Variants in STAT6 observed in about 807,000 individuals in gnomAD.
The protein encoded by STAT6 is STAT, interleukin4-induced.
STAT6 carries 45 observed loss-of-function variants against 106.3 expected under a neutral mutation model. The ratio of observed to expected loss-of-function variants is 0.42; its 90% CI spans 0.33 to 0.54. The LOEUF is 0.54. Ranked by LOEUF, STAT6 falls within the 20% of genes least tolerant of loss-of-function variation. STAT6 has a pLI of 0.06. For synonymous variants in STAT6, 413 were observed against 413.6 expected (o/e 1.00, Z 0.02); for missense variants, 797 against 1,062.2 (o/e 0.75, Z 3.47).
rs2033678608 is a variant in STAT6, at chr12:57,099,515, T to A, written c.1745-75A>T. On this transcript the variant is annotated intron_variant, in intron 15 of 21. Coordinates refer to ENST00000300134, the MANE Select transcript of STAT6 (RefSeq NM_003153.5). The surrounding 1 kb of genome is among the most constrained non-coding windows in gnomAD (Gnocchi z 4.7). Reference sequence around the variant, plus strand: ...CTTCCCCAACCCCTACCATAAGACCTGTTCTCACTCCACCAAGGCAAGGGA... The same window carrying A: ...CTTCCCCAACCCCTACCATAAGACCAGTTCTCACTCCACCAAGGCAAGGGA... The A allele has an allele frequency of 6.3e-7, 1 of 1,592,184 alleles. No individual in the cohort carries two copies. The highest frequency in any genetic ancestry group is 1.7e-5 in the Admixed American group (1 of 59,092).
At position 57,105,541 on chromosome 12, in the gene STAT6, C is replaced by G. The variant is rs2034219051; in HGVS notation, c.739G>C (p.Gly247Arg). Residue 247 changes from glycine to arginine, a missense_variant, in exon 8 of 22, where the codon GGG becomes CGG. Transcript: ENST00000300134. The stretch of plus-strand genomic sequence containing the variant: ...GCCCGGGTCTTGGGCTCAAGCTCCC[C>G]ACCAGCCGCCCCTACCTCCTGCTGT... ...QLQQEVGAAG[G>R]ELEPKTRASL... 4 of 1,613,958 alleles carry G rather than the reference C, an allele frequency of 2.5e-6. No individual in the cohort carries two copies. The African/African-American group carries it at 5.3e-5, about 22-fold the overall frequency.
chr12:57,104,635 C>T (rs1267097675), intron 10 of STAT6, 49 bp from the exon 11 acceptor site: 1 of 1,612,598 alleles, frequency 6.2e-7, no homozygotes, highest in East Asian at 2.2e-5. Context: ...AGGACAGAGA[C>T]CGCTCCTCCT....
intron 1 of STAT6, among the ~76,000 whole-genome samples, chr12:57,108,841 T>C (rs958260585): frequency 1.3e-5 from 2 of 152,218 alleles, no homozygotes; most frequent in African/African-American, 4.8e-5. Context: ...CCCCACCTCC[T>C]GACGCCAAAG....
chr12:57,100,702 GAA>G lies in STAT6; in HGVS notation c.1513-614_1513-613del, dbSNP rs869076345. On this transcript the variant is annotated intron_variant, in intron 13 of 21. Coordinates refer to ENST00000300134, the MANE Select transcript of STAT6 (RefSeq NM_003153.5). Reference sequence around the variant, plus strand: ...AAAGAAAGAAAGAAAGAAAGAAAGAGAAAGAAAGAAAGAAAGAAAGAAAGAAA... The same window carrying G: ...AAAGAAAGAAAGAAAGAAAGAAAGAGAGAAAGAAAGAAAGAAAGAAAGAAA... 5.1e-3 allele frequency: 287 copies of G among 55,760 alleles called. 5 individuals are homozygous for G. The highest frequency in any genetic ancestry group is 0.014 in the South Asian group (43 of 3,184). The allele number at this position is 55,760 out of a possible 1,614,324, so 3.5% of individuals were successfully genotyped here.
chr12:57,107,415 C>A (rs2034342172), intron 3 of STAT6, 101 bp from the exon 4 acceptor site: 2 of 1,346,724 alleles, frequency 1.5e-6, no homozygotes, highest in Admixed American at 1.8e-5. Context: ...TATAAGGAAG[C>A]ACAACTGTAG....
intron 13 of STAT6, among the ~76,000 whole-genome samples, chr12:57,100,689 AAAG>A (rs2033821462): frequency 1.1e-4 from 5 of 44,710 alleles, no homozygotes; most frequent in African/African-American, 3.4e-4. Context: ...AGAAAGAAAG[AAAG>A]AAAGAAAGAG....
At chr12:57,097,013 G>A (rs376770722) in intron 20 of STAT6, 35 bp from the exon 21 acceptor site, 3 of 1,604,816 alleles carry the variant, frequency 1.9e-6, no homozygotes, top group African/African-American at 2.7e-5. Flanking sequence ...AAGGAGAGCG[G>A]GGCAAGGCCA....
chr12:57,106,665 C>G, intron 5 of STAT6, 28 bp downstream of exon 5: 2 of 1,614,010 alleles, frequency 1.2e-6, no homozygotes, highest in Non-Finnish European at 1.7e-6. Flanking sequence ...CACTCCTACA[C>G]ACTCCCCAGA....
Position 57,096,770 on chromosome 12 carries a change from A to T in STAT6, c.2355-9T>A. On this transcript the variant is annotated splice_polypyrimidine_tract_variant and intron_variant, in intron 21 of 21. Transcript: ENST00000300134. ...ATATGTCTTCACCAATCCTGCAAGG[A>T]GATGGGAGAAGCAGTGGAGTAGGCA... 1 of 1,613,362 alleles carries T rather than the reference A, an allele frequency of 6.2e-7. No individual in the cohort carries two copies. Among genetic ancestry groups the T allele is most frequent in the Non-Finnish European group, 8.5e-7 (1 of 1,179,690 alleles).
Position 57,104,802 on chromosome 12 carries a change from C to T in STAT6, c.1013G>A (p.Gly338Glu). 1 of 1,614,130 alleles carries T rather than the reference C, an allele frequency of 6.2e-7. No homozygotes were observed. The change falls in exon 10 of 22, where the codon GGA becomes GAA. Residue 338 changes from glycine (G) to glutamate (E), a missense_variant. Physicochemically the swap from Gly to Glu is moderately conservative, Grantham distance 98. This residue lies in a region of STAT6 where 336 missense variants were observed against 429.8 expected (regional missense o/e 0.78). Transcript: ENST00000300134. The part of the protein sequence containing the change: ...QGPGAGAEST[G>E]EIINNTVPLE... ...GGGCACAGTGTTGTTGATGATTTCT[C>T]CAGTGCTTTCTCTGCCAGGGGAGGT...
chr12:57,100,657 AAAGAAAGAAAGAAAG>A (rs1028765480), intron 13 of STAT6, among the ~76,000 whole-genome samples: 3 of 62,216 alleles, frequency 4.8e-5, no homozygotes, highest in African/African-American at 1.3e-4. Flanking sequence ...AGAAAGAAAG[AAAGAAAGAAAGAAAG>A]AAAGAAAGAA....
rs1014699432 is a variant in STAT6 at position 57,099,897 on chromosome 12, G to A, written c.1614C>T (p.Ile538=). 14 of 1,614,260 alleles carry A rather than the reference G, an allele frequency of 8.7e-6. No homozygotes were observed. Among genetic ancestry groups the A allele is most frequent in the Non-Finnish European group, 1.2e-5 (14 of 1,180,046 alleles). Residue 538 remains isoleucine (I), a synonymous_variant, in exon 15 of 22, where the codon ATC becomes ATT. Transcript: ENST00000300134. This position sits in a 1 kb window ranked among gnomAD's most constrained non-coding sequence, Gnocchi z 4.7. ...CGTACTGTTTGCTGATGAAGCCAAT[G>A]ATCAGCCTGGCCGGGATGAAGGAGA... is the stretch of plus-strand genomic sequence containing the variant. ...CLRSYWSDRL[I]IGFISKQYVT...
chr12:57,099,180 G>A lies in STAT6; in HGVS notation c.1892-102C>T, dbSNP rs2033656965. On this transcript the variant is annotated intron_variant, in intron 16 of 21. Coordinates refer to ENST00000300134, the MANE Select transcript of STAT6 (RefSeq NM_003153.5). The surrounding 1 kb of genome is among the most constrained non-coding windows in gnomAD (Gnocchi z 4.7). ...ATCATGGGGAAGTAAGAGAAGCACA[G>A]CTATGAAATAGGGAGTGACATCAGG... The A allele has an allele frequency of 6.3e-7, 1 of 1,593,726 alleles. No homozygotes were observed. The highest frequency in any genetic ancestry group is 8.6e-7 in the Non-Finnish European group (1 of 1,163,104).
intron 3 of STAT6, 61 bp from the exon 4 acceptor site, chr12:57,107,375 C>T (rs1329665540): frequency 1.3e-6 from 2 of 1,506,450 alleles, no homozygotes; most frequent in East Asian, 4.5e-5. Context: ...TCAATCCCTC[C>T]AATCCCCAGG....
At chr12:57,101,642 G>C (rs2033940502) in intron 13 of STAT6, among the ~76,000 whole-genome samples, 1 of 148,508 alleles carries the variant, frequency 6.7e-6, no homozygotes, top group South Asian at 2.1e-4. Flanking sequence ...GGGATTACAG[G>C]CATGAACCAC....
intron 13 of STAT6, 139 bp downstream of exon 13, chr12:57,102,151 A>G: frequency 2.2e-6 from 2 of 923,480 alleles, no homozygotes; most frequent in South Asian, 1.6e-5. Flanking sequence ...TCCCTGGTCC[A>G]TGACAGGCCT....
rs703817 is a variant in STAT6 at position 57,096,045 on chromosome 12, C to T, written c.*527G>A. On this transcript the variant is annotated 3_prime_UTR_variant, in exon 22 of 22. Transcript: ENST00000300134. ...TGTACTAGTAACCACATGTCCAGAC[C>T]CCTCCTATGCTCCCACCCAGGGTCC... 60,062 of 154,210 alleles carry T rather than the reference C, an allele frequency of 0.39. 13,408 individuals are homozygous for T. The highest frequency in any genetic ancestry group is 0.5 in the Non-Finnish European group (34,913 of 69,508). The allele number at this position is 154,210 out of a possible 1,614,324, so 9.6% of individuals were successfully genotyped here.
Position 57,098,813 on chromosome 12 carries a change from A to T in STAT6, c.2045T>A (p.Met682Lys), listed in dbSNP as rs756874074. The change falls in exon 18 of 22, where the codon ATG becomes AAG. Residue 682 changes from methionine (M) to lysine (K), a missense_variant. Met to Lys is a moderately conservative substitution (Grantham distance 95). Coordinates refer to ENST00000300134, the MANE Select transcript of STAT6 (RefSeq NM_003153.5). ...LGMAPDSSMSMQLGPDMVPQV... is the reference protein window; with the variant it reads ...LGMAPDSSMSKQLGPDMVPQV... ...TTACACCATATCTGGGCCAAGCTGC[A>T]TGCTCATGGAGGAATCAGGGGCCAT... 32 of 1,613,780 alleles carry T rather than the reference A, an allele frequency of 2.0e-5. No individual in the cohort carries two copies. Among genetic ancestry groups the T allele is most frequent in the Non-Finnish European group, 2.6e-5 (31 of 1,179,878 alleles).
chr12:57,098,517 G>A lies in STAT6; in HGVS notation c.2147C>T (p.Ser716Leu), dbSNP rs2033598296. The A allele has an allele frequency of 6.2e-7, 1 of 1,614,186 alleles. No individual in the cohort carries two copies. The highest frequency in any genetic ancestry group is 1.7e-5 in the Admixed American group (1 of 60,028). Residue 716 changes from serine (S) to leucine (L), a missense_variant, in exon 19 of 22, where the codon TCA becomes TTA. Around this residue, in one of 4 missense-constraint regions of STAT6, gnomAD observed 226 missense variants for 236.7 expected, o/e 0.95. Transcript: ENST00000300134. ...GTTTTTCACTTACTCCTGGAAGGCT[G>A]ACAACACGTTGACTGATTCTTCTGG... ...LSPEESVNVL[S>L]AFQEPHLQMP...
Sources: gnomAD v4.1 joint callset for allele counts (sites outside exome capture counted in the v4.1 genomes callset) on GRCh38, gnomAD v4.1.1 for gene constraint, gnomAD v4.1.1 regional missense constraint, Gnocchi (gnomAD v3.1) non-coding constraint, MANE v1.5 for transcripts, NCBI Gene and HGNC (gene_info 2026-07-23, HGNC 2026-07-21) for gene names.